SCRIB: variants seen among roughly 807,000 people sequenced by gnomAD.
SCRIB encodes the protein scribble planar cell polarity protein.
A neutral mutation model predicts 170.0 loss-of-function variants in SCRIB; 72 were observed. That is an observed-to-expected ratio of 0.42 (90% CI 0.35 to 0.52). The LOEUF (loss-of-function observed/expected upper bound fraction) is 0.52. Among genes scored for constraint, SCRIB ranks in the 20% least tolerant of loss-of-function variants. The pLI, the probability that SCRIB is intolerant of heterozygous loss-of-function variation, is 0.02. For missense variants in SCRIB, 2,475 were observed against 2,338.5 expected, an observed-to-expected ratio of 1.06 and a Z score of -1.20; for synonymous variants, 1,298 against 1,044.3, an observed-to-expected ratio of 1.24 and a Z score of -4.68.
At chr8:143,802,781 C>T (rs1457131013) in intron 24 of SCRIB, among the ~76,000 whole-genome samples, 7 of 152,222 alleles carry the variant, frequency 4.6e-5, no homozygotes, top group Non-Finnish European at 7.3e-5. Flanking sequence ...GGGGAGGACT[C>T]CTGGGGCCCC....
intron 27 of SCRIB, 75 bp downstream of exon 27, chr8:143,794,963 T>A: frequency 7.0e-7 from 1 of 1,438,662 alleles, no homozygotes; most frequent in African/African-American, 1.4e-5. Flanking sequence ...CGGATGGCCC[T>A]GGCGTTTGTC....
intron 24 of SCRIB, among the ~76,000 whole-genome samples, chr8:143,798,925 A>G (rs1815058069): frequency 6.6e-6 from 1 of 152,092 alleles, no homozygotes. Flanking sequence ...CTGTCAAAGC[A>G]GCTGGGGAAT....
rs76487427 is a variant in SCRIB at position 143,809,100 on chromosome 8, T to G, written c.1699-75A>C. 628 of 1,515,142 alleles carry G rather than the reference T, an allele frequency of 4.1e-4. 5 individuals carry two copies. In the East Asian group the frequency reaches 0.014, roughly 33 times the overall value. The allele number at this position is 1,515,142 out of a possible 1,614,324, so 93.9% of individuals were successfully genotyped here. ...CACAGGAAGACCCTACTAAACAGTG[T>G]GGCCACAGACGGGCTCCGAAAGCCT... On this transcript the variant is annotated intron_variant, in intron 14 of 36. Transcript: ENST00000356994.
At chr8:143,793,125 C>T (rs1457951104) in intron 28 of SCRIB, 42 bp from the exon 29 acceptor site, 9 of 1,187,118 alleles carry the variant, frequency 7.6e-6, no homozygotes, top group Admixed American at 3.0e-5. Flanking sequence ...GGGCAGCTGT[C>T]GGGGCTGCAG....
At position 143,795,124 on chromosome 8, in the gene SCRIB, G is replaced by A. The variant is rs1183334718; in HGVS notation, c.3772-12C>T. ...TGCAGACCCCGACCCTGGGGGCAGA[G>A]TGAACACAGCACTAGCAGGGGTAGC... is the stretch of plus-strand genomic sequence containing the variant. On this transcript the variant is annotated splice_polypyrimidine_tract_variant and intron_variant, in intron 26 of 36. Coordinates refer to ENST00000356994, the MANE Select transcript of SCRIB (RefSeq NM_182706.5). 3.7e-6 allele frequency: 6 copies of A among 1,610,490 alleles called. No homozygotes were observed. In the Admixed American group the frequency reaches 8.4e-5, roughly 22 times the overall value.
intron 27 of SCRIB, 43 bp from the exon 28 acceptor site, chr8:143,794,005 G>A: frequency 6.3e-7 from 1 of 1,592,764 alleles, no homozygotes; most frequent in South Asian, 1.1e-5. Context: ...GGGCAGGGCT[G>A]TGGCCCCCGA....
intron 24 of SCRIB, 78 bp downstream of exon 24, chr8:143,803,305 C>A: frequency 7.3e-7 from 1 of 1,372,322 alleles, no homozygotes; most frequent in Non-Finnish European, 9.7e-7. Flanking sequence ...CCGTCGCCTG[C>A]CCCGAGAGGT....
chr8:143,805,115 A>G lies in SCRIB; in HGVS notation c.2667T>C (p.Asp889=), dbSNP rs200182640. Residue 889 remains aspartate, a synonymous_variant, in exon 19 of 37, where the codon GAT becomes GAC. Coordinates refer to ENST00000356994, the MANE Select transcript of SCRIB (RefSeq NM_182706.5). ...GKGSTPYRAG[D]AGIFVSRIAE... ...CGGCCCTGGGCCCCAGCCTCACCGC[A>G]TCACCAGCCCTGTAGGGTGTGGAGC... The G allele has an allele frequency of 1.7e-3, 2,662 of 1,599,040 alleles. 8 individuals are homozygous for G. The highest frequency in any genetic ancestry group is 2.1e-3 in the Non-Finnish European group (2,498 of 1,172,734).
At position 143,813,648 on chromosome 8, in the gene SCRIB, C is replaced by T; in HGVS notation, c.435G>A (p.Gly145=). 2 of 1,613,408 alleles carry T rather than the reference C, an allele frequency of 1.2e-6. No homozygotes were observed. The highest frequency in any genetic ancestry group is 1.1e-5 in the South Asian group (1 of 91,086). The part of the protein sequence containing the change: ...LNDVSLQALP[G]DVGNLANLVT... ...GAGAAGGCACTCACTTGCCCACGTC[C>T]CCGGGCAGTGCCTGCAGAGACACAT... Residue 145 remains glycine (G), a synonymous_variant, in exon 4 of 37, where the codon GGG becomes GGA. Coordinates refer to ENST00000356994, the MANE Select transcript of SCRIB (RefSeq NM_182706.5).
rs369897914 is a variant in SCRIB, at chr8:143,805,338, C to T, written c.2444G>A (p.Arg815His). Reference protein sequence around the residue: ...TAVQMRVWRERMVEPENAVTI... With the variant: ...TAVQMRVWREHMVEPENAVTI... The stretch of plus-strand genomic sequence containing the variant: ...GACCGCGTTCTCAGGCTCCACCATG[C>T]GCTCCCGCCACACTCGCATCTGCAC... Residue 815 changes from arginine to histidine, a missense_variant, in exon 19 of 37, where the codon CGC becomes CAC. This residue lies in a region of SCRIB where 1,966 missense variants were observed against 1,742.9 expected (regional missense o/e 1.13). Transcript: ENST00000356994. The T allele has an allele frequency of 1.0e-5, 16 of 1,542,510 alleles. No homozygotes were observed. Among genetic ancestry groups the T allele is most frequent in the Middle Eastern group, 1.7e-4 (1 of 5,994 alleles).
intron 17 of SCRIB, 106 bp from the exon 18 acceptor site, chr8:143,806,590 G>C (rs1251922170): frequency 1.0e-5 from 9 of 899,864 alleles, no homozygotes; most frequent in South Asian, 3.0e-5. Flanking sequence ...GCAGCCCCTA[G>C]CCCTGGCCAG....
intron 24 of SCRIB, 106 bp from the exon 25 acceptor site, chr8:143,795,636 G>A: frequency 2.0e-6 from 2 of 986,214 alleles, no homozygotes; most frequent in Admixed American, 2.0e-5. Context: ...GTGAGCCCAG[G>A]AGCCGCGTCC....
At chr8:143,809,137 A>C (rs1243165210) in intron 14 of SCRIB, 112 bp from the exon 15 acceptor site, 1 of 1,389,906 alleles carries the variant, frequency 7.2e-7, no homozygotes, top group East Asian at 2.4e-5. Context: ...CCCGCCACAC[A>C]AAGACTCAGC....
At position 143,797,832 on chromosome 8, in the gene SCRIB, C is replaced by T. The variant is rs143750300; in HGVS notation, c.3604-2302G>A. Among the ~76,000 whole-genome samples, 398 of 152,364 alleles carry T rather than the reference C, an allele frequency of 2.6e-3. 4 individuals carry two copies. The highest frequency in any genetic ancestry group is 1.8e-3 in the Non-Finnish European group (123 of 68,036). ...TGGCCAAGCCCCACAGGGATCGGGC[C>T]GCGCCCTTCCACGACGGAGCACGTC... On this transcript the variant is annotated intron_variant, in intron 24 of 36. Transcript: ENST00000356994.
intron 1 of SCRIB, 125 bp from the exon 2 acceptor site, chr8:143,814,243 T>G: frequency 1.3e-6 from 1 of 758,498 alleles, no homozygotes. Flanking sequence ...TCACACCGGG[T>G]CCTGGGGTCT....
intron 24 of SCRIB, among the ~76,000 whole-genome samples, chr8:143,802,490 G>A (rs2130058792): frequency 6.6e-6 from 1 of 152,376 alleles, no homozygotes; most frequent in Non-Finnish European, 1.5e-5. Flanking sequence ...GTGACCAGCA[G>A]GGACACCCTC....
chr8:143,803,633 T>C lies in SCRIB; in HGVS notation c.3414+14A>G. On this transcript the variant is annotated intron_variant, in intron 23 of 36. Coordinates refer to ENST00000356994, the MANE Select transcript of SCRIB (RefSeq NM_182706.5). Reference sequence around the variant, plus strand: ...GGGTGGGGCCCAGGGCGGGCTGGGGTGGGGGGGGCTCACCTTGGAGATGAA... The same window carrying C: ...GGGTGGGGCCCAGGGCGGGCTGGGGCGGGGGGGGCTCACCTTGGAGATGAA... The C allele has an allele frequency of 2.0e-6, 1 of 492,442 alleles. No homozygotes were observed. Among genetic ancestry groups the C allele is most frequent in the East Asian group, 8.5e-5 (1 of 11,768 alleles). The allele number at this position is 492,442 out of a possible 1,614,324, so 30.5% of individuals were successfully genotyped here. A position where few individuals can be genotyped will look rare whatever the true frequency, so the allele number is the denominator to read the frequency against.
Position 143,806,668 on chromosome 8 carries a change from C to G in SCRIB, c.2269-184G>C, listed in dbSNP as rs1188883323. 4.6e-5 allele frequency among the ~76,000 whole-genome samples: 7 copies of G among 152,336 alleles called. No individual in the cohort carries two copies. The South Asian group carries it at 1.4e-3, about 32-fold the overall frequency. ...GGGGGTTAGAAGGAGCACGTCAGCC[C>G]CGAGAAAGGGCTCGTGGCCCCAGGC... On this transcript the variant is annotated intron_variant, in intron 17 of 36. Transcript: ENST00000356994.
rs767325016 is a variant in SCRIB, at chr8:143,810,775, C to T, written c.1315G>A (p.Asp439Asn). The T allele has an allele frequency of 3.1e-5, 50 of 1,604,758 alleles. No individual in the cohort carries two copies. The Admixed American group carries it at 3.2e-4, about 10-fold the overall frequency. Reference protein sequence around the residue: ...QQGSLSETWSDAPPSRVSVIQ... With the variant: ...QQGSLSETWSNAPPSRVSVIQ... ...ACGCTGACGCGGCTCGGCGGGGCAT[C>T]GCTCCAGGTCTCCGAGAGGCTCCCC... Residue 439 changes from aspartate (D) to asparagine (N), a missense_variant, in exon 12 of 37, where the codon GAT becomes AAT. By Grantham distance (23) the Asp-to-Asn change is conservative. Around this residue, in one of 3 missense-constraint regions of SCRIB, gnomAD observed 1,966 missense variants for 1,742.9 expected, o/e 1.13. Transcript: ENST00000356994.
Sources: allele counts gnomAD v4.1 joint callset (sites outside exome capture counted in the v4.1 genomes callset), GRCh38; gene constraint gnomAD v4.1.1; regional missense constraint gnomAD v4.1.1; transcripts MANE v1.5; gene names NCBI Gene and HGNC (gene_info 2026-07-23, HGNC 2026-07-21).